The following NEK7 variants were observed in gnomAD, a reference collection of about 807,000 sequenced individuals.
The protein encoded by NEK7 is serine/threonine-protein kinase Nek7.
In NEK7, 18 loss-of-function variants were observed where a neutral mutation model predicts 44.6. The observed-to-expected ratio is 0.40, with a 90% CI of 0.28 to 0.60. The LOEUF is 0.60. NEK7 is among the 20% of genes least tolerant of loss of function. The probability of loss-of-function intolerance (pLI) is 0.38; values close to 1 mark genes in which losing one functional copy is unlikely to be tolerated. For missense variants in NEK7, 256 were observed against 366.5 expected, an observed-to-expected ratio of 0.70 and a Z score of 2.46; for synonymous variants, 130 against 121.1, an observed-to-expected ratio of 1.07 and a Z score of -0.48.
chr1:198,308,656 T>A (rs771096166), intron 9 of NEK7, among the ~76,000 whole-genome samples: 2 of 152,244 alleles, frequency 1.3e-5, no homozygotes, highest in Non-Finnish European at 2.9e-5. Context: ...TTGCCTTAAA[T>A]ACTGATTTCC....
intron 1 of NEK7, among the ~76,000 whole-genome samples, chr1:198,176,906 T>G (rs1465458240): frequency 6.6e-6 from 1 of 151,938 alleles, no homozygotes; most frequent in Non-Finnish European, 1.5e-5. Flanking sequence ...ACATGTTAGG[T>G]TTAGGATATT....
intron 1 of NEK7, among the ~76,000 whole-genome samples, chr1:198,215,659 G>A (rs1001167160): frequency 2.4e-4 from 37 of 152,140 alleles, no homozygotes; most frequent in African/African-American, 7.9e-4. Flanking sequence ...TTGATTTCAG[G>A]AGACACACCT....
chr1:198,255,313 T>C (rs1653218835), intron 3 of NEK7, among the ~76,000 whole-genome samples: 1 of 152,046 alleles, frequency 6.6e-6, no homozygotes, highest in African/African-American at 2.4e-5. Flanking sequence ...GGAGAGAACA[T>C]AGCTGCCAAT....
chr1:198,194,430 A>G (rs1665169939), intron 1 of NEK7, among the ~76,000 whole-genome samples: 1 of 149,150 alleles, frequency 6.7e-6, no homozygotes, highest in Non-Finnish European at 1.5e-5. Context: ...ATTTTTTCTG[A>G]TTCTCTCCCT....
intron 9 of NEK7, among the ~76,000 whole-genome samples, chr1:198,314,751 CAG>C (rs2103042516): frequency 6.6e-6 from 1 of 152,312 alleles, no homozygotes; most frequent in South Asian, 2.1e-4. Flanking sequence ...GCTCAGGGGT[CAG>C]GGGTCAGAGA....
chr1:198,179,819 A>G (rs200169297), intron 1 of NEK7, among the ~76,000 whole-genome samples: 6 of 121,072 alleles, frequency 5.0e-5, no homozygotes, highest in African/African-American at 1.4e-4. Flanking sequence ...GTGTGTATGT[A>G]TGTGTGTGTG....
chr1:198,222,767 C>T (rs1352951653), intron 1 of NEK7, among the ~76,000 whole-genome samples: 1 of 151,880 alleles, frequency 6.6e-6, no homozygotes, highest in Non-Finnish European at 1.5e-5. Flanking sequence ...GTCTCGCCCT[C>T]TGCTACTTAT....
At chr1:198,237,894 A>G (rs966198831) in intron 2 of NEK7, among the ~76,000 whole-genome samples, 1 of 152,174 alleles carries the variant, frequency 6.6e-6, no homozygotes. Flanking sequence ...TCTCCATAGA[A>G]TGTATCACCT....
chr1:198,280,064 A>G (rs766161204), intron 7 of NEK7, among the ~76,000 whole-genome samples: 93 of 152,164 alleles, frequency 6.1e-4, no homozygotes, highest in Non-Finnish European at 1.1e-3. Context: ...GCTGAATAAC[A>G]TAGTTTTTTT....
Position 198,168,696 on chromosome 1 carries a change from CT to C in NEK7, c.-29+11428del, listed in dbSNP as rs550063150. Among the ~76,000 whole-genome samples, 71 of 152,042 alleles carry C rather than the reference CT, an allele frequency of 4.7e-4. 1 individual carries two copies. The highest frequency in any genetic ancestry group is 1.1e-3 in the Admixed American group (17 of 15,260). On this transcript the variant is annotated intron_variant, in intron 1 of 9. Transcript: ENST00000367385. ...CCCTTTATAGTTCATCTTTTTGTTT[CT>C]TTTTTTTCTTTCCATTTTCCAACTT...
chr1:198,177,785 C>T (rs933008284), intron 1 of NEK7, among the ~76,000 whole-genome samples: 2 of 151,794 alleles, frequency 1.3e-5, no homozygotes, highest in Non-Finnish European at 2.9e-5. Context: ...TTCAGTTTTA[C>T]TTTGATAATG....
At chr1:198,270,404 A>G (rs963013159) in intron 5 of NEK7, among the ~76,000 whole-genome samples, 3 of 152,036 alleles carry the variant, frequency 2.0e-5, no homozygotes, top group African/African-American at 7.2e-5. Context: ...AGAAACTCAG[A>G]GGTTTGTTAT....
At chr1:198,207,258 T>C (rs1352404408) in intron 1 of NEK7, 1 of 152,168 alleles carries the variant, frequency 6.6e-6, no homozygotes, top group African/African-American at 2.4e-5. Context: ...TGAAATACTT[T>C]CATTCTCTAT....
chr1:198,200,807 T>G (rs993153705), intron 1 of NEK7, among the ~76,000 whole-genome samples: 1 of 152,284 alleles, frequency 6.6e-6, no homozygotes, highest in Non-Finnish European at 1.5e-5. Flanking sequence ...TGCCTCGGCC[T>G]CCCAAAGTGT....
intron 1 of NEK7, among the ~76,000 whole-genome samples, chr1:198,174,771 G>A (rs562203891): frequency 2.4e-4 from 36 of 147,862 alleles, no homozygotes; most frequent in Non-Finnish European, 4.0e-4. Context: ...TGTTTTTTTT[G>A]GGGGGGGACA....
At chr1:198,259,252 A>G (rs1653376130) in intron 3 of NEK7, among the ~76,000 whole-genome samples, 1 of 151,820 alleles carries the variant, frequency 6.6e-6, no homozygotes. Context: ...GTTTCCTAAA[A>G]CTCTTATACA....
intron 1 of NEK7, chr1:198,208,596 A>G (rs1665665556): frequency 6.6e-6 from 1 of 152,094 alleles, no homozygotes; most frequent in Non-Finnish European, 1.5e-5. Flanking sequence ...CAGGTTGGTA[A>G]TGCATTTATT....
intron 1 of NEK7, among the ~76,000 whole-genome samples, chr1:198,186,866 G>A (rs760006488): frequency 2.0e-5 from 3 of 152,216 alleles, no homozygotes; most frequent in Non-Finnish European, 2.9e-5. Flanking sequence ...GACAGTACTA[G>A]TAGATATTAT....
At chr1:198,260,432 C>T (rs909412271) in intron 3 of NEK7, among the ~76,000 whole-genome samples, 7 of 150,912 alleles carry the variant, frequency 4.6e-5, no homozygotes, top group African/African-American at 1.2e-4. Context: ...TTTTTTAACC[C>T]CTTTTCCTTT....
Sources: allele counts gnomAD v4.1 joint callset (sites outside exome capture counted in the v4.1 genomes callset), GRCh38; gene constraint gnomAD v4.1.1; transcripts MANE v1.5; gene names NCBI Gene and HGNC (gene_info 2026-07-23, HGNC 2026-07-21).